The following SYNE3 variants were observed in gnomAD, a reference collection of about 807,000 sequenced individuals.
The protein encoded by SYNE3 is nesprin-3.
Under a neutral mutation model 111.2 loss-of-function variants are expected in SYNE3, and 100 were observed. The ratio of observed to expected loss-of-function variants is 0.90; its 90% confidence interval spans 0.77 to 1.06. SYNE3 has a LOEUF of 1.06. Ranked by LOEUF, SYNE3 falls within the 50% of genes least tolerant of loss-of-function variation. The pLI is 0.00. For synonymous variants in SYNE3, 547 were observed against 533.9 expected, an observed-to-expected ratio of 1.02 and a Z score of -0.34; for missense variants, 1,160 against 1,240.3, an observed-to-expected ratio of 0.94 and a Z score of 0.97.
Position 95,410,275 on chromosome 14 carries a change from G to A in SYNE3, c.*7551C>T, listed in dbSNP as rs1458940000. The A allele has an allele frequency of 6.6e-6, 1 of 152,306 alleles. No homozygotes were observed. Among genetic ancestry groups the A allele is most frequent in the African/African-American group, 2.4e-5 (1 of 41,470 alleles). 9.4% of individuals were successfully genotyped at this position (152,306 alleles called of 1,614,324 possible). A position where few individuals can be genotyped will look rare whatever the true frequency, so the allele number is the denominator to read the frequency against. On this transcript the variant is annotated 3_prime_UTR_variant, in exon 18 of 18. Transcript: ENST00000682763. The stretch of plus-strand genomic sequence containing the variant: ...TTCCACACAAGGAGCATACAGCCAA[G>A]GCATGGAGGGTCAGGACAAACTCTG...
intron 1 of SYNE3, among the ~76,000 whole-genome samples, chr14:95,515,747 A>G (rs1296394871): frequency 6.6e-6 from 1 of 152,212 alleles, no homozygotes; most frequent in Non-Finnish European, 1.5e-5. Context: ...GGAACCTGGG[A>G]GAGTCCCAGG....
chr14:95,506,329 T>C (rs1890527415), intron 1 of SYNE3, among the ~76,000 whole-genome samples: 1 of 152,158 alleles, frequency 6.6e-6, no homozygotes, highest in Non-Finnish European at 1.5e-5. Context: ...AAGAAAAAAA[T>C]CACATTGGCC....
chr14:95,463,256 G>C (rs1288370207), intron 4 of SYNE3, among the ~76,000 whole-genome samples: 3 of 152,186 alleles, frequency 2.0e-5, no homozygotes, highest in Non-Finnish European at 2.9e-5. Flanking sequence ...AGAAAAAACA[G>C]CTCTCACTGA....
Position 95,417,545 on chromosome 14 carries a change from C to T in SYNE3, c.*281G>A, listed in dbSNP as rs532144737. 3.1e-5 allele frequency: 14 copies of T among 456,432 alleles called. No individual in the cohort carries two copies. Among genetic ancestry groups the T allele is most frequent in the South Asian group, 5.5e-5 (2 of 36,690 alleles). 28.3% of individuals were successfully genotyped at this position (456,432 alleles called of 1,614,324 possible). On this transcript the variant is annotated 3_prime_UTR_variant, in exon 18 of 18. Transcript: ENST00000682763. The stretch of plus-strand genomic sequence containing the variant: ...AATTTTCCCAACTCCAAATAGAACT[C>T]GTATATGAAATTATACATACTGAGC...
At chr14:95,462,672 C>A (rs1887906872) in intron 4 of SYNE3, among the ~76,000 whole-genome samples, 1 of 152,244 alleles carries the variant, frequency 6.6e-6, no homozygotes, top group African/African-American at 2.4e-5. Context: ...CAGCTCAAAC[C>A]TGCCTTTCAC....
intron 1 of SYNE3, among the ~76,000 whole-genome samples, chr14:95,509,635 C>G (rs1488915051): frequency 6.6e-6 from 1 of 152,222 alleles, no homozygotes; most frequent in Admixed American, 6.5e-5. Context: ...CCTTAAGGAA[C>G]GAGGCTACCC....
chr14:95,507,422 G>A (rs1890568695), intron 1 of SYNE3, among the ~76,000 whole-genome samples: 1 of 152,216 alleles, frequency 6.6e-6, no homozygotes, highest in South Asian at 2.1e-4. Flanking sequence ...CTCCAGCTAA[G>A]TGCTGCATGA....
At chr14:95,460,359 G>A (rs966077678) in intron 4 of SYNE3, among the ~76,000 whole-genome samples, 4 of 139,664 alleles carry the variant, frequency 2.9e-5, no homozygotes, top group East Asian at 2.1e-4. Flanking sequence ...GGTGCACCAC[G>A]ATGCCTAGTT....
Position 95,417,434 on chromosome 14 carries a change from A to G in SYNE3, c.*392T>C, listed in dbSNP as rs2139330524. 1 of 255,258 alleles carries G rather than the reference A, an allele frequency of 3.9e-6. No homozygotes were observed. Among genetic ancestry groups the G allele is most frequent in the Non-Finnish European group, 7.8e-6 (1 of 128,596 alleles). The allele number at this position is 255,258 out of a possible 1,614,324, so 15.8% of individuals were successfully genotyped here. A position where few individuals can be genotyped will look rare whatever the true frequency, so the allele number is the denominator to read the frequency against. On this transcript the variant is annotated 3_prime_UTR_variant, in exon 18 of 18. Transcript: ENST00000682763. Reference sequence around the variant, plus strand: ...TGGAGAAGAGGTTGCCATGAAAGTGACATGTTATTGTTCTTGCTTTCTAGG... The same window carrying G: ...TGGAGAAGAGGTTGCCATGAAAGTGGCATGTTATTGTTCTTGCTTTCTAGG...
Position 95,500,972 on chromosome 14 carries a change from T to C in SYNE3, c.-15+15624A>G, listed in dbSNP as rs1890313168. On this transcript the variant is annotated intron_variant, in intron 1 of 17. Transcript: ENST00000682763. This position sits in a 1 kb window ranked among gnomAD's most constrained non-coding sequence, Gnocchi z 4.7. ...ATATTTTCTCTCTCCTCTCAGACAA[T>C]ACTGGCTTTAATGAATTTCTCTAAA... is the stretch of plus-strand genomic sequence containing the variant. 6.6e-6 allele frequency among the ~76,000 whole-genome samples: 1 copy of C among 152,202 alleles called. No individual in the cohort carries two copies. Among genetic ancestry groups the C allele is most frequent in the Admixed American group, 6.5e-5 (1 of 15,288 alleles).
chr14:95,469,949 G>A (rs561719886), intron 2 of SYNE3, among the ~76,000 whole-genome samples: 1 of 152,264 alleles, frequency 6.6e-6, no homozygotes, highest in Non-Finnish European at 1.5e-5. Flanking sequence ...TGTTATCAAA[G>A]AGTGAGGCAA....
intron 4 of SYNE3, among the ~76,000 whole-genome samples, chr14:95,460,369 T>G (rs1275146586): frequency 2.7e-4 from 6 of 22,254 alleles, no homozygotes; most frequent in Admixed American, 1.3e-3. Context: ...GATGCCTAGT[T>G]TTTTTTTTTT....
chr14:95,505,054 G>A (rs548569199), intron 1 of SYNE3, among the ~76,000 whole-genome samples: 3 of 152,342 alleles, frequency 2.0e-5, no homozygotes, highest in Non-Finnish European at 2.9e-5. Flanking sequence ...ACGAAGTCCA[G>A]GCCTGGGAAG....
chr14:95,428,305 G>T (rs937667279), intron 17 of SYNE3, among the ~76,000 whole-genome samples: 1 of 152,124 alleles, frequency 6.6e-6, no homozygotes, highest in Non-Finnish European at 1.5e-5. Context: ...AACACAACCC[G>T]CAAGCAGACA....
At chr14:95,460,917 T>C (rs1421890030) in intron 4 of SYNE3, among the ~76,000 whole-genome samples, 2 of 152,262 alleles carry the variant, frequency 1.3e-5, no homozygotes, top group Middle Eastern at 3.4e-3. Flanking sequence ...GTGTGAAGGA[T>C]GAGGTGCTGG....
chr14:95,431,549 C>T (rs1885762113), intron 17 of SYNE3, among the ~76,000 whole-genome samples: 1 of 152,178 alleles, frequency 6.6e-6, no homozygotes, highest in Non-Finnish European at 1.5e-5. Context: ...TTGCTTCAGC[C>T]TGCAAAGACC....
chr14:95,455,456 C>G lies in SYNE3; in HGVS notation c.1058G>C (p.Arg353Thr), dbSNP rs748070235. 10 of 1,608,748 alleles carry G rather than the reference C, an allele frequency of 6.2e-6. No individual in the cohort carries two copies. The highest frequency in any genetic ancestry group is 7.6e-6 in the Non-Finnish European group (9 of 1,177,324). The change falls in exon 6 of 18, where the codon AGG becomes ACG. Residue 353 changes from arginine to threonine, a missense_variant. Coordinates refer to ENST00000682763, the MANE Select transcript of SYNE3 (RefSeq NM_152592.6). ...AGGCTGCAGGCCCTCCTGGGCCAGC[C>G]TCTGCAGGACCATCCTGAACTCACT... is the stretch of plus-strand genomic sequence containing the variant. The part of the protein sequence containing the change: ...ELSEFRMVLQ[R>T]LAQEGLQPAA...
At chr14:95,472,677 C>T (rs1888598986) in intron 2 of SYNE3, among the ~76,000 whole-genome samples, 1 of 152,178 alleles carries the variant, frequency 6.6e-6, no homozygotes, top group South Asian at 2.1e-4. Context: ...TCCTGAGGTG[C>T]CACAGCCATG....
rs149220293 is a variant in SYNE3 at position 95,452,341 on chromosome 14, G to T, written c.1180C>A (p.Arg394=). 2 of 1,613,440 alleles carry T rather than the reference G, an allele frequency of 1.2e-6. No homozygotes were observed. The highest frequency in any genetic ancestry group is 1.7e-6 in the Non-Finnish European group (2 of 1,179,900). ...ALASEEPRVD[R]LQAQLKELIV... ...AGCTCCTTCAGCTGGGCTTGCAGCC[G>T]GTCCACCCGGGGCTCCTCCGAGGCC... The change falls in exon 7 of 18, where the codon CGG becomes AGG. Residue 394 remains arginine (R), a synonymous_variant. Coordinates refer to ENST00000682763, the MANE Select transcript of SYNE3 (RefSeq NM_152592.6).
Sources: allele counts gnomAD v4.1 joint callset (sites outside exome capture counted in the v4.1 genomes callset), GRCh38; gene constraint gnomAD v4.1.1; non-coding constraint Gnocchi (gnomAD v3.1); transcripts MANE v1.5; gene names NCBI Gene and HGNC (gene_info 2026-07-23, HGNC 2026-07-21).